Variants in VTCN1 observed in about 807,000 individuals in gnomAD.
VTCN1 encodes the protein V-set domain containing T cell activation inhibitor 1.
Under a neutral mutation model 26.5 loss-of-function variants are expected in VTCN1, and 26 were observed. The ratio of observed to expected loss-of-function variants is 0.98; its 90% CI spans 0.72 to 1.36. The LOEUF (loss-of-function observed/expected upper bound fraction) is 1.36. VTCN1 is among the 40% of genes most tolerant of loss of function. The pLI is 0.00. For missense variants in VTCN1, 298 were observed against 337.7 expected (o/e 0.88, Z 0.92); for synonymous variants, 116 against 130.7 (o/e 0.89, Z 0.77).
intron 4 of VTCN1, among the ~76,000 whole-genome samples, chr1:117,151,516 G>A (rs139140635): frequency 0.054 from 8,160 of 152,168 alleles, 264 homozygotes; most frequent in South Asian, 0.079. Flanking sequence ...CCCTTATTTG[G>A]CCCCGCCCAC....
chr1:117,186,783 C>A (rs906581458), intron 1 of VTCN1, among the ~76,000 whole-genome samples: 13 of 152,156 alleles, frequency 8.5e-5, no homozygotes, highest in African/African-American at 2.7e-4. Context: ...ATCCCAGCAC[C>A]TTGAGAGGCT....
chr1:117,194,124 T>C (rs1222859743), intron 1 of VTCN1, among the ~76,000 whole-genome samples: 3 of 152,120 alleles, frequency 2.0e-5, no homozygotes, highest in African/African-American at 4.8e-5. Context: ...ATATATCTGA[T>C]AAGGAGTTAA....
intron 1 of VTCN1, among the ~76,000 whole-genome samples, chr1:117,197,287 T>A (rs369889067): frequency 1.3e-5 from 2 of 152,150 alleles, no homozygotes; most frequent in East Asian, 3.8e-4. Context: ...ATCATGCACC[T>A]AAAGAGAAGT....
At chr1:117,165,204 C>T (rs146849961) in intron 2 of VTCN1, among the ~76,000 whole-genome samples, 70 of 152,312 alleles carry the variant, frequency 4.6e-4, no homozygotes, top group African/African-American at 1.7e-3. Flanking sequence ...TGCTCACTTG[C>T]TGACTGTTGT....
At chr1:117,151,688 T>C (rs1214468114) in intron 4 of VTCN1, among the ~76,000 whole-genome samples, 3 of 152,166 alleles carry the variant, frequency 2.0e-5, no homozygotes, top group African/African-American at 7.2e-5. Flanking sequence ...AGAAAAGTTC[T>C]CCAAGTCCCC....
At chr1:117,152,009 G>A (rs1651828338) in intron 4 of VTCN1, among the ~76,000 whole-genome samples, 1 of 151,968 alleles carries the variant, frequency 6.6e-6, no homozygotes, top group Non-Finnish European at 1.5e-5. Flanking sequence ...ATATCATCTT[G>A]GGTTGAATGT....
At chr1:117,172,460 T>TCTC (rs1220975172) in intron 1 of VTCN1, 1 of 518,708 alleles carries the variant, frequency 1.9e-6, no homozygotes, top group Admixed American at 1.9e-5. Flanking sequence ...AACAGCTAGA[T>TCTC]AAAGTCATAG....
At chr1:117,170,780 T>C (rs1316734622) in intron 1 of VTCN1, among the ~76,000 whole-genome samples, 2 of 152,190 alleles carry the variant, frequency 1.3e-5, no homozygotes, top group Non-Finnish European at 2.9e-5. Context: ...GACAAATAAA[T>C]CACCTGTAAT....
intron 1 of VTCN1, among the ~76,000 whole-genome samples, chr1:117,201,722 A>T (rs1648798155): frequency 1.3e-5 from 2 of 152,198 alleles, no homozygotes; most frequent in South Asian, 2.1e-4. Flanking sequence ...TTGTTTTGCT[A>T]AATTGCTATG....
chr1:117,160,497 T>C (rs1652311871), intron 2 of VTCN1, among the ~76,000 whole-genome samples: 1 of 152,238 alleles, frequency 6.6e-6, no homozygotes, highest in Non-Finnish European at 1.5e-5. Context: ...TCATCTTTAA[T>C]GGTTCCTAAG....
chr1:117,190,551 A>G (rs1390470082), intron 1 of VTCN1, among the ~76,000 whole-genome samples: 3 of 152,134 alleles, frequency 2.0e-5, no homozygotes, highest in African/African-American at 7.2e-5. Flanking sequence ...CACAGACCCA[A>G]CTGCAGATCC....
chr1:117,158,535 C>A (rs962759745), intron 2 of VTCN1, among the ~76,000 whole-genome samples: 4 of 152,142 alleles, frequency 2.6e-5, no homozygotes, highest in Non-Finnish European at 5.9e-5. Flanking sequence ...ACCCTGGGCC[C>A]GGCCCACAAA....
At position 117,159,023 on chromosome 1, in the gene VTCN1, A is replaced by T. The variant is rs2096211; in HGVS notation, c.98-2102T>A. Among the ~76,000 whole-genome samples, 29,725 of 152,134 alleles carry T rather than the reference A, an allele frequency of 0.2. 5,461 individuals carry two copies. Among genetic ancestry groups the T allele is most frequent in the African/African-American group, 0.49 (20,387 of 41,430 alleles). On this transcript the variant is annotated intron_variant, in intron 2 of 5. Coordinates refer to ENST00000369458, the MANE Select transcript of VTCN1 (RefSeq NM_024626.4). This position sits in a 1 kb window ranked among gnomAD's most constrained non-coding sequence, Gnocchi z 4.7. The stretch of plus-strand genomic sequence containing the variant: ...TGGACCTTATTGTCCATATCACTAT[A>T]AGGCTTTTGGTCAAAGCCATTCAAC...
chr1:117,170,157 A>G lies in VTCN1; in HGVS notation c.47T>C (p.Ile16Thr). Residue 16 changes from isoleucine to threonine, a missense_variant, in exon 2 of 6, where the codon ATC becomes ACC. Physicochemically the swap from Ile to Thr is moderately conservative, Grantham distance 89. Coordinates refer to ENST00000369458, the MANE Select transcript of VTCN1 (RefSeq NM_024626.4). ...QILFWSIISI[I>T]IILAGAIALI... ...TGCAATTGCTCCAGCCAGAATAATG[A>G]TGATGCTAATTATGCTACGGGAAGA... 1.2e-6 allele frequency: 2 copies of G among 1,613,902 alleles called. No homozygotes were observed. The highest frequency in any genetic ancestry group is 1.7e-6 in the Non-Finnish European group (2 of 1,179,914).
At position 117,156,902 on chromosome 1, in the gene VTCN1, G is replaced by C. The variant is rs778212263; in HGVS notation, c.117C>G (p.Val39=). 43 of 1,613,936 alleles carry C rather than the reference G, an allele frequency of 2.7e-5. No individual in the cohort carries two copies. In the Admixed American group the frequency reaches 7.0e-4, roughly 26 times the overall value. Residue 39 remains valine (V), a synonymous_variant, in exon 3 of 6, where the codon GTC becomes GTG. Transcript: ENST00000369458. ...TGTTCCCAGCTGAGGCGACAGTAGT[G>C]ACTGTGATGGAGTGTCTCCCTGCAG... ...FGISGRHSIT[V]TTVASAGNIG... is the part of the protein sequence containing the mutation.
chr1:117,189,284 A>T (rs963517252), intron 1 of VTCN1, among the ~76,000 whole-genome samples: 2 of 152,084 alleles, frequency 1.3e-5, no homozygotes, highest in African/African-American at 4.8e-5. Flanking sequence ...CTGCAGGTCC[A>T]CTATCCTCTG....
intron 1 of VTCN1, among the ~76,000 whole-genome samples, chr1:117,192,182 T>C (rs1396740618): frequency 6.6e-6 from 1 of 152,168 alleles, no homozygotes; most frequent in Non-Finnish European, 1.5e-5. Flanking sequence ...AGGGAAACTT[T>C]GTGAAGCTAC....
intron 1 of VTCN1, among the ~76,000 whole-genome samples, chr1:117,171,475 G>T (rs573734946): frequency 6.6e-6 from 1 of 152,180 alleles, no homozygotes; most frequent in Non-Finnish European, 1.5e-5. Flanking sequence ...TACCAACAGC[G>T]TAAAAGCGTT....
At chr1:117,197,093 T>C (rs1648549610) in intron 1 of VTCN1, among the ~76,000 whole-genome samples, 1 of 152,240 alleles carries the variant, frequency 6.6e-6, no homozygotes, top group East Asian at 1.9e-4. Context: ...CCTATTTTTC[T>C]GCCTCAGAAA....
Sources: gnomAD v4.1 joint callset for allele counts (sites outside exome capture counted in the v4.1 genomes callset) on GRCh38, gnomAD v4.1.1 for gene constraint, Gnocchi (gnomAD v3.1) non-coding constraint, MANE v1.5 for transcripts, NCBI Gene and HGNC (gene_info 2026-07-23, HGNC 2026-07-21) for gene names.